The following HHIPL2 variants were observed in gnomAD, a reference collection of about 807,000 sequenced individuals.
HHIPL2 encodes HHIP-like protein 2.
A neutral mutation model predicts 61.0 loss-of-function variants in HHIPL2; 61 were observed. The ratio of observed to expected loss-of-function variants is 1.00; its 90% CI spans 0.81 to 1.24. The LOEUF is 1.24. Ranked by LOEUF, HHIPL2 falls within the 50% of genes most tolerant of loss-of-function variation. The probability of loss-of-function intolerance (pLI) is 0.00; values close to 1 mark genes in which losing one functional copy is unlikely to be tolerated. For missense variants in HHIPL2, 885 were observed against 910.2 expected, an observed-to-expected ratio of 0.97 and a Z score of 0.36; for synonymous variants, 343 against 357.4, an observed-to-expected ratio of 0.96 and a Z score of 0.45.
At chr1:222,544,984 A>G (rs1382721319) in intron 1 of HHIPL2, among the ~76,000 whole-genome samples, 1 of 152,220 alleles carries the variant, frequency 6.6e-6, no homozygotes, top group Non-Finnish European at 1.5e-5. Flanking sequence ...CTATAGGGCA[A>G]TATGCCTGCT....
At chr1:222,531,724 A>C (rs969026520) in intron 6 of HHIPL2, among the ~76,000 whole-genome samples, 1 of 152,078 alleles carries the variant, frequency 6.6e-6, no homozygotes, top group Non-Finnish European at 1.5e-5. Context: ...AGAGAGCAAG[A>C]CTCTGTCTCA....
chr1:222,528,573 C>G (rs752799343), intron 6 of HHIPL2, among the ~76,000 whole-genome samples: 26 of 152,124 alleles, frequency 1.7e-4, no homozygotes, highest in Non-Finnish European at 3.4e-4. Flanking sequence ...CATCACTACA[C>G]TCCCAGTGCA....
chr1:222,529,203 C>T (rs1252532388), intron 6 of HHIPL2, among the ~76,000 whole-genome samples: 2 of 152,134 alleles, frequency 1.3e-5, no homozygotes, highest in African/African-American at 2.4e-5. Flanking sequence ...TTGCATAGCC[C>T]CTACACAGGG....
intron 5 of HHIPL2, among the ~76,000 whole-genome samples, chr1:222,535,516 T>A (rs116065068): frequency 6.6e-6 from 1 of 152,156 alleles, no homozygotes; most frequent in South Asian, 2.1e-4. Context: ...TCTGAAGTGG[T>A]CTTCACTAAG....
In HHIPL2 at chr1:222,534,669, T is replaced by TACACACAC. The variant is rs10650864; in HGVS notation, c.1578-2566_1578-2559dup. Among the ~76,000 whole-genome samples, 1,172 of 148,258 alleles carry TACACACAC rather than the reference T, an allele frequency of 7.9e-3. 8 individuals are homozygous for TACACACAC. The highest frequency in any genetic ancestry group is 0.022 in the African/African-American group (877 of 40,436). ...CTAGAGGTGAAAAATACATTGAGAT[T>TACACACAC]ACACACACACACACACACACACACT... On this transcript the variant is annotated intron_variant, in intron 5 of 8. Transcript: ENST00000343410.
At position 222,544,483 on chromosome 1, in the gene HHIPL2, A is replaced by T. The variant is rs1659515116; in HGVS notation, c.322-294T>A. On this transcript the variant is annotated intron_variant, in intron 1 of 8. Coordinates refer to ENST00000343410, the MANE Select transcript of HHIPL2 (RefSeq NM_024746.4). ...ATGATGCATGAATATTTTTTCAAAA[A>T]GATATTACTAAATTTCTAGATCTCT... 2.6e-5 allele frequency among the ~76,000 whole-genome samples: 4 copies of T among 152,272 alleles called. No homozygotes were observed. In the South Asian group the frequency reaches 8.3e-4, roughly 32 times the overall value.
chr1:222,538,587 T>C, intron 5 of HHIPL2, 61 bp downstream of exon 5: 1 of 1,470,900 alleles, frequency 6.8e-7, no homozygotes, highest in Non-Finnish European at 9.4e-7. Flanking sequence ...CATATGTAAG[T>C]TATACCTCAG....
At position 222,538,674 on chromosome 1, in the gene HHIPL2, C is replaced by A; in HGVS notation, c.1551G>T (p.Leu517=). Reference sequence around the variant, plus strand: ...CACTCATGAAGTCTCCAAAGATATACAGGCCATTGAGATTTGGGGATTCAC... The same window carrying A: ...CACTCATGAAGTCTCCAAAGATATAAAGGCCATTGAGATTTGGGGATTCAC... The part of the protein sequence containing the change: ...RGCESPNLNG[L]YIFGDFMSGR... Residue 517 remains leucine, a synonymous_variant, in exon 5 of 9, where the codon CTG becomes CTT. Transcript: ENST00000343410. 1 of 1,613,894 alleles carries A rather than the reference C, an allele frequency of 6.2e-7. No individual in the cohort carries two copies.
chr1:222,541,026 A>G (rs1165884301), intron 3 of HHIPL2, among the ~76,000 whole-genome samples: 1 of 152,208 alleles, frequency 6.6e-6, no homozygotes, highest in Non-Finnish European at 1.5e-5. Context: ...GCTTGAGGCC[A>G]TGAGTTCAAG....
At chr1:222,537,259 A>G (rs554456876) in intron 5 of HHIPL2, among the ~76,000 whole-genome samples, 3 of 151,968 alleles carry the variant, frequency 2.0e-5, no homozygotes, top group African/African-American at 7.2e-5. Flanking sequence ...TAGAAATAAA[A>G]GAAAATGTCC....
At chr1:222,535,165 A>C (rs1659276010) in intron 5 of HHIPL2, among the ~76,000 whole-genome samples, 1 of 152,228 alleles carries the variant, frequency 6.6e-6, no homozygotes, top group African/African-American at 2.4e-5. Context: ...AAGCCAGAAA[A>C]TAGTGGCGCA....
intron 5 of HHIPL2, among the ~76,000 whole-genome samples, chr1:222,538,419 G>A (rs1449091135): frequency 8.1e-6 from 1 of 123,602 alleles, no homozygotes; most frequent in African/African-American, 3.3e-5. Flanking sequence ...GTATGAGAGA[G>A]AGACAGAGAG....
At chr1:222,537,456 A>G (rs1391502707) in intron 5 of HHIPL2, among the ~76,000 whole-genome samples, 2 of 151,574 alleles carry the variant, frequency 1.3e-5, no homozygotes, top group East Asian at 3.9e-4. Flanking sequence ...TCAATTCAAA[A>G]AAAAAAAGAA....
chr1:222,529,037 G>C (rs1382413950), intron 6 of HHIPL2, among the ~76,000 whole-genome samples: 1 of 151,914 alleles, frequency 6.6e-6, no homozygotes, highest in South Asian at 2.1e-4. Context: ...GCTCAGGCTG[G>C]TCTCAAACTC....
intron 2 of HHIPL2, 120 bp downstream of exon 2, chr1:222,543,417 T>C: frequency 9.7e-7 from 1 of 1,032,140 alleles, no homozygotes; most frequent in South Asian, 1.6e-5. Flanking sequence ...CAGTGACTCC[T>C]TTCTCAACAG....
At chr1:222,543,189 C>G (rs934063455) in intron 2 of HHIPL2, among the ~76,000 whole-genome samples, 5 of 152,156 alleles carry the variant, frequency 3.3e-5, no homozygotes, top group Non-Finnish European at 7.3e-5. Context: ...AAGTAAAGGC[C>G]CTGGGATCTA....
chr1:222,542,395 C>A (rs1659451283), intron 2 of HHIPL2, among the ~76,000 whole-genome samples: 1 of 151,858 alleles, frequency 6.6e-6, no homozygotes, highest in Admixed American at 6.6e-5. Context: ...GACAGAGTCT[C>A]ACTCTGCATC....
intron 1 of HHIPL2, among the ~76,000 whole-genome samples, chr1:222,547,349 A>G (rs910092607): frequency 6.6e-6 from 1 of 152,160 alleles, no homozygotes; most frequent in Admixed American, 6.5e-5. Flanking sequence ...CGCTCGGTAA[A>G]TTCCACGGGT....
At chr1:222,523,769 C>T (rs556575062) in intron 7 of HHIPL2, 75 bp from the exon 8 acceptor site, 42 of 1,400,232 alleles carry the variant, frequency 3.0e-5, no homozygotes, top group Non-Finnish European at 4.0e-5. Flanking sequence ...TACCAGAGGG[C>T]GTATATTTGC....
Sources: gnomAD v4.1 joint callset for allele counts (sites outside exome capture counted in the v4.1 genomes callset) on GRCh38, gnomAD v4.1.1 for gene constraint, MANE v1.5 for transcripts, NCBI Gene and HGNC (gene_info 2026-07-23, HGNC 2026-07-21) for gene names.